Variants in OR2L13 observed in about 807,000 individuals in gnomAD.
OR2L13 encodes the protein olfactory receptor family 2 subfamily L member 13.
Under a neutral mutation model 15.3 loss-of-function variants are expected in OR2L13, and 14 were observed. The observed-to-expected ratio is 0.91, with a 90% CI of 0.60 to 1.43. The LOEUF (loss-of-function observed/expected upper bound fraction) is 1.43. OR2L13 is among the 40% of genes most tolerant of loss of function. The pLI is 0.00. For missense variants in OR2L13, 367 were observed against 387.9 expected (o/e 0.95, Z 0.45); for synonymous variants, 152 against 142.9 (o/e 1.06, Z -0.45).
At chr1:247,969,407 G>T in the OR2L13 span, among the ~76,000 whole-genome samples, 1 of 152,170 alleles carries the variant, frequency 6.6e-6, no homozygotes, top group Non-Finnish European at 1.5e-5. Flanking sequence ...TTTTAGTCAT[G>T]AAGTCTTCAT....
At chr1:247,972,863 T>G in the OR2L13 span, among the ~76,000 whole-genome samples, 5 of 152,170 alleles carry the variant, frequency 3.3e-5, no homozygotes, top group Non-Finnish European at 5.9e-5. Context: ...TGAACATTGA[T>G]GTGAAAATCC....
chr1:247,957,906 T>C, the OR2L13 span, among the ~76,000 whole-genome samples: 1 of 152,200 alleles, frequency 6.6e-6, no homozygotes, highest in African/African-American at 2.4e-5. Flanking sequence ...CCTGGATTCA[T>C]TGATTTTTTG....
At chr1:248,000,067 G>C in the OR2L13 span, among the ~76,000 whole-genome samples, 1 of 151,006 alleles carries the variant, frequency 6.6e-6, no homozygotes, top group South Asian at 2.1e-4. Context: ...TTGCAGGTAA[G>C]CCAACTTGTG....
the OR2L13 span, among the ~76,000 whole-genome samples, chr1:248,068,256 G>T: frequency 6.6e-6 from 1 of 152,192 alleles, no homozygotes; most frequent in East Asian, 1.9e-4. Flanking sequence ...CCCAGTAGGG[G>T]CAGACTGACA....
chr1:247,986,645 G>A, the OR2L13 span, among the ~76,000 whole-genome samples: 1 of 152,116 alleles, frequency 6.6e-6, no homozygotes, highest in African/African-American at 2.4e-5. Context: ...CCAATTCTGT[G>A]AAGAAAGTCA....
chr1:248,081,539 C>T, the OR2L13 span, among the ~76,000 whole-genome samples: 1 of 152,032 alleles, frequency 6.6e-6, no homozygotes, highest in Non-Finnish European at 1.5e-5. Context: ...GTGAATGAAC[C>T]TGGTATGAGT....
At chr1:247,971,831 A>G in the OR2L13 span, among the ~76,000 whole-genome samples, 26 of 152,296 alleles carry the variant, frequency 1.7e-4, no homozygotes, top group African/African-American at 6.3e-4. Context: ...TTTCAGCAAC[A>G]CATAACCCTT....
chr1:248,069,334 A>G, the OR2L13 span, among the ~76,000 whole-genome samples: 1 of 152,256 alleles, frequency 6.6e-6, no homozygotes, highest in African/African-American at 2.4e-5. Context: ...ATTCTTAAAG[A>G]AAAGAATTTT....
chr1:247,986,347 C>T, the OR2L13 span, among the ~76,000 whole-genome samples: 4 of 151,948 alleles, frequency 2.6e-5, no homozygotes, highest in South Asian at 2.1e-4. Context: ...CAGTTTTCCC[C>T]GCACCATTTA....
At chr1:248,015,675 T>C in the OR2L13 span, among the ~76,000 whole-genome samples, 1 of 152,172 alleles carries the variant, frequency 6.6e-6, no homozygotes, top group African/African-American at 2.4e-5. Flanking sequence ...CAAAATCTGG[T>C]AAAGTGTGGC....
At chr1:247,982,067 G>A in the OR2L13 span, among the ~76,000 whole-genome samples, 121 of 152,216 alleles carry the variant, frequency 7.9e-4, no homozygotes, top group African/African-American at 2.7e-3. Flanking sequence ...CATCCGCCTC[G>A]GCCTCCCAAA....
chr1:247,982,072 C>T, the OR2L13 span, among the ~76,000 whole-genome samples: 24 of 152,284 alleles, frequency 1.6e-4, 1 homozygote, highest in South Asian at 2.7e-3. Context: ...GCCTCGGCCT[C>T]CCAAAGTGCT....
chr1:248,035,021 T>C, the OR2L13 span, among the ~76,000 whole-genome samples: 4 of 152,206 alleles, frequency 2.6e-5, no homozygotes. Flanking sequence ...CTTCTTTCTT[T>C]TGAATTAAGA....
chr1:248,012,902 A>G, the OR2L13 span, among the ~76,000 whole-genome samples: 2 of 151,952 alleles, frequency 1.3e-5, no homozygotes, highest in Admixed American at 6.6e-5. Context: ...TATTTAATTT[A>G]CTGTAAACCA....
At chr1:247,971,786 A>C in the OR2L13 span, among the ~76,000 whole-genome samples, 3 of 152,182 alleles carry the variant, frequency 2.0e-5, no homozygotes, top group African/African-American at 7.2e-5. Flanking sequence ...ACATCTACAG[A>C]ACTCTCCACC....
At chr1:248,003,699 A>C in the OR2L13 span, 2 of 1,613,108 alleles carry the variant, frequency 1.2e-6, no homozygotes, top group South Asian at 2.2e-5. Flanking sequence ...GCCTGCATGG[A>C]CACCTGGGTC....
chr1:247,991,345 C>T, the OR2L13 span: 2 of 595,224 alleles, frequency 3.4e-6, no homozygotes, highest in Non-Finnish European at 5.6e-6. Context: ...TTTAGTCTGG[C>T]ATTTCAATTG....
the OR2L13 span, chr1:248,039,822 G>A: frequency 6.6e-6 from 1 of 152,146 alleles, no homozygotes; most frequent in African/African-American, 2.4e-5. Context: ...ACTCTCAACT[G>A]GTATGTATGT....
the OR2L13 span, among the ~76,000 whole-genome samples, chr1:248,068,284 C>T: frequency 1.9e-4 from 29 of 152,018 alleles, no homozygotes; most frequent in African/African-American, 6.8e-4. Flanking sequence ...CGGCCGGGTA[C>T]TCCTCTGAGA....
Sources: allele counts gnomAD v4.1 joint callset (sites outside exome capture counted in the v4.1 genomes callset), GRCh38; gene constraint gnomAD v4.1.1; transcripts MANE v1.5; gene names NCBI Gene and HGNC (gene_info 2026-07-23, HGNC 2026-07-21).